Variants in CDHR5 observed in about 807,000 individuals in gnomAD.
The protein encoded by CDHR5 is cadherin-related family member 5.
In CDHR5, 82 loss-of-function variants were observed where a neutral mutation model predicts 69.5. That is an observed-to-expected ratio of 1.18 (90% confidence interval 0.99 to 1.42). The LOEUF (loss-of-function observed/expected upper bound fraction) is 1.42. CDHR5 is among the 40% of genes most tolerant of loss of function. The pLI is 0.00. For synonymous variants in CDHR5, 601 were observed against 510.2 expected (o/e 1.18, Z -2.40); for missense variants, 1,293 against 1,168.9 (o/e 1.11, Z -1.55).
Position 624,128 on chromosome 11 carries a change from G to A in CDHR5, c.312+85C>T, listed in dbSNP as rs569943505. ...AATTTGAAACCACACCCTAGCTGAC[G>A]TCATCAAAGACTGGTCCTGGACCGG... On this transcript the variant is annotated intron_variant, in intron 3 of 14. Transcript: ENST00000397542. The surrounding 1 kb of genome is among the most constrained non-coding windows in gnomAD (Gnocchi z 5.3). The A allele has an allele frequency of 5.4e-5, 38 of 698,420 alleles. No homozygotes were observed. Among genetic ancestry groups the A allele is most frequent in the East Asian group, 4.5e-4 (17 of 37,504 alleles). 43.3% of individuals were successfully genotyped at this position (698,420 alleles called of 1,614,324 possible).
In CDHR5 at chr11:621,869, G is replaced by A. The variant is rs780466180; in HGVS notation, c.348C>T (p.Asp116=). ...TQLRVFVSVL[D]VNDNAPEFPF... ...GGAATTCGGGGGCATTGTCATTGAC[G>A]TCCAGCACTGACACGAACACCCTTA... Residue 116 remains aspartate (D), a synonymous_variant, in exon 4 of 15, where the codon GAC becomes GAT. Coordinates refer to ENST00000397542, the MANE Select transcript of CDHR5 (RefSeq NM_021924.5). This position sits in a 1 kb window ranked among gnomAD's most constrained non-coding sequence, Gnocchi z 4.4. 23 of 1,613,506 alleles carry A rather than the reference G, an allele frequency of 1.4e-5. No individual in the cohort carries two copies. In the Admixed American group the frequency reaches 3.0e-4, roughly 21 times the overall value.
chr11:620,350 C>G lies in CDHR5; in HGVS notation c.826G>C (p.Ala276Pro). 1.2e-6 allele frequency: 2 copies of G among 1,612,494 alleles called. No individual in the cohort carries two copies. ...PLVLRPGPIY[A>P]EDGDRGINQP... ...TTGATGCCGCGGTCTCCGTCCTCAGCGTAGATGGGTCCGGGACGCAGGACG... is the reference window on the plus strand; with the variant it reads ...TTGATGCCGCGGTCTCCGTCCTCAGGGTAGATGGGTCCGGGACGCAGGACG... Residue 276 changes from alanine to proline, a missense_variant, in exon 8 of 15, where the codon GCT becomes CCT. Physicochemically the swap from Ala to Pro is conservative, Grantham distance 27. Coordinates refer to ENST00000397542, the MANE Select transcript of CDHR5 (RefSeq NM_021924.5).
chr11:618,543 TC>T lies in CDHR5; in HGVS notation c.1960+55del. 3 of 1,597,012 alleles carry T rather than the reference TC, an allele frequency of 1.9e-6. No homozygotes were observed. The South Asian group carries it at 3.3e-5, about 18-fold the overall frequency. The stretch of plus-strand genomic sequence containing the variant: ...TGGGGTGGACCCTTCCTACAGCGTT[TC>T]CCATACCAGCCAATGACCGGAGTCA... On this transcript the variant is annotated intron_variant, in intron 13 of 14. Coordinates refer to ENST00000397542, the MANE Select transcript of CDHR5 (RefSeq NM_021924.5).
In CDHR5 at chr11:621,225, G is replaced by T; in HGVS notation, c.644C>A (p.Pro215His). The T allele has an allele frequency of 6.3e-7, 1 of 1,597,592 alleles. No individual in the cohort carries two copies. Among genetic ancestry groups the T allele is most frequent in the Non-Finnish European group, 8.5e-7 (1 of 1,170,386 alleles). The change falls in exon 7 of 15, where the codon CCC (proline) becomes CAC (histidine). Residue 215 changes from proline to histidine, a missense_variant. Coordinates refer to ENST00000397542, the MANE Select transcript of CDHR5 (RefSeq NM_021924.5). This position sits in a 1 kb window ranked among gnomAD's most constrained non-coding sequence, Gnocchi z 4.4. The part of the protein sequence containing the change: ...VRDTPGENVE[P>H]SHTATATLVL... ...TAGTGTGGCGGTGGCAGTGTGGCTG[G>T]GTTCCACATTCTCCCCCGGAGTGTC...
In CDHR5 at chr11:624,680, G is replaced by A. The variant is rs151210765; in HGVS notation, c.138C>T (p.Thr46=). 1.2e-5 allele frequency: 19 copies of A among 1,613,124 alleles called. No homozygotes were observed. The highest frequency in any genetic ancestry group is 1.7e-5 in the Admixed American group (1 of 59,946). Residue 46 remains threonine (T), a synonymous_variant, in exon 2 of 15, where the codon ACC becomes ACT. Transcript: ENST00000397542. This position sits in a 1 kb window ranked among gnomAD's most constrained non-coding sequence, Gnocchi z 5.3. ...GGACGTGGATGTCCACCAGCGGCTCGGTGACATTTGTGTTCTCCTCTACTT... is the reference window on the plus strand; with the variant it reads ...GGACGTGGATGTCCACCAGCGGCTCAGTGACATTTGTGTTCTCCTCTACTT... ...IFEVEENTNV[T]EPLVDIHVPE...
At chr11:619,242 A>G (rs1298919649) in intron 12 of CDHR5, 62 bp from the exon 13 acceptor site, 3 of 1,482,144 alleles carry the variant, frequency 2.0e-6, no homozygotes, top group Non-Finnish European at 1.9e-6. Flanking sequence ...CTACCGCGGG[A>G]AAGGAGCCAC....
In CDHR5 at chr11:617,719, C is replaced by T. The variant is rs1183619607; in HGVS notation, c.2170G>A (p.Ala724Thr). The stretch of plus-strand genomic sequence containing the variant: ...GGGCTGGGGACGGGCGCCCAGTTGG[C>T]CTTGTGGTCAGGGAGGAACGCCTGG... ...DNQAFLPDHKANWAPVPSPTH... is the reference protein window; with the variant it reads ...DNQAFLPDHKTNWAPVPSPTH... Residue 724 changes from alanine to threonine, a missense_variant, in exon 15 of 15, where the codon GCC becomes ACC. By Grantham distance (58) the Ala-to-Thr change is moderately conservative. Coordinates refer to ENST00000397542, the MANE Select transcript of CDHR5 (RefSeq NM_021924.5). The T allele has an allele frequency of 1.4e-6, 2 of 1,460,372 alleles. No homozygotes were observed. Among genetic ancestry groups the T allele is most frequent in the Middle Eastern group, 1.9e-4 (1 of 5,398 alleles). 90.5% of individuals were successfully genotyped at this position (1,460,372 alleles called of 1,614,324 possible).
chr11:621,165 G>A lies in CDHR5; in HGVS notation c.704C>T (p.Pro235Leu), dbSNP rs773987876. ...TGAGAAGGTGCAGGGCAGGAACCACGGGGGCCGCAGGTCGGCGGGCACCAC... is the reference window on the plus strand; with the variant it reads ...TGAGAAGGTGCAGGGCAGGAACCACAGGGGCCGCAGGTCGGCGGGCACCAC... ...LNVVPADLRP[P>L]WFLPCTFSDG... The change falls in exon 7 of 15, where the codon CCG becomes CTG. Residue 235 changes from proline (P) to leucine (L), a missense_variant. Physicochemically the swap from Pro to Leu is moderately conservative, Grantham distance 98. Coordinates refer to ENST00000397542, the MANE Select transcript of CDHR5 (RefSeq NM_021924.5). This position sits in a 1 kb window ranked among gnomAD's most constrained non-coding sequence, Gnocchi z 4.4. 10 of 1,604,744 alleles carry A rather than the reference G, an allele frequency of 6.2e-6. No homozygotes were observed. Among genetic ancestry groups the A allele is most frequent in the South Asian group, 3.3e-5 (3 of 89,746 alleles).
In CDHR5 at chr11:621,498, G is replaced by T. The variant is rs377210037; in HGVS notation, c.508-43C>A. Reference sequence around the variant, plus strand: ...GGACAGAGCCTAAGAGCCTTGGAGGGCGAGGGCGGCTGTGGGTGTCAGAGG... The same window carrying T: ...GGACAGAGCCTAAGAGCCTTGGAGGTCGAGGGCGGCTGTGGGTGTCAGAGG... On this transcript the variant is annotated intron_variant, in intron 5 of 14. Coordinates refer to ENST00000397542, the MANE Select transcript of CDHR5 (RefSeq NM_021924.5). This position sits in a 1 kb window ranked among gnomAD's most constrained non-coding sequence, Gnocchi z 4.4. 111 of 1,595,426 alleles carry T rather than the reference G, an allele frequency of 7.0e-5. No individual in the cohort carries two copies. In the East Asian group the frequency reaches 8.7e-4, roughly 13 times the overall value.
chr11:617,874 C>T lies in CDHR5; in HGVS notation c.2118+80G>A, dbSNP rs182907729. On this transcript the variant is annotated intron_variant, in intron 14 of 14. Coordinates refer to ENST00000397542, the MANE Select transcript of CDHR5 (RefSeq NM_021924.5). ...GACACCCCTCCGTCTCCACATCTGT[C>T]CCTCTGCCCTCCCCTCTCCTGTCCC... The T allele has an allele frequency of 5.4e-4, 831 of 1,528,418 alleles. 4 individuals carry two copies. The highest frequency in any genetic ancestry group is 3.4e-3 in the Middle Eastern group (16 of 4,694). The allele number at this position is 1,528,418 out of a possible 1,614,324, so 94.7% of individuals were successfully genotyped here.
chr11:621,428 T>A lies in CDHR5; in HGVS notation c.535A>T (p.Ser179Cys). Residue 179 changes from serine (S) to cysteine (C), a missense_variant, in exon 6 of 15, where the codon AGT becomes TGT. Coordinates refer to ENST00000397542, the MANE Select transcript of CDHR5 (RefSeq NM_021924.5). This position sits in a 1 kb window ranked among gnomAD's most constrained non-coding sequence, Gnocchi z 4.4. ...AGCCTCAGGGCGGGACGGTTTACAC[T>A]CACCAGGGAGAAGTAGTCACTGGCA... ...AGASDYFSLV[S>C]VNRPALRLDR... is the part of the protein sequence containing the mutation. 6.2e-7 allele frequency: 1 copy of A among 1,612,734 alleles called. No homozygotes were observed. The highest frequency in any genetic ancestry group is 1.7e-5 in the Admixed American group (1 of 60,016).
chr11:617,399 C>T lies in CDHR5; in HGVS notation c.2490G>A (p.Arg830=), dbSNP rs909042304. 12 of 1,610,458 alleles carry T rather than the reference C, an allele frequency of 7.5e-6. No individual in the cohort carries two copies. The highest frequency in any genetic ancestry group is 1.1e-5 in the South Asian group (1 of 90,948). The change falls in exon 15 of 15, where the codon AGG becomes AGA. Residue 830 remains arginine, a synonymous_variant. Coordinates refer to ENST00000397542, the MANE Select transcript of CDHR5 (RefSeq NM_021924.5). ...CGGGCGCATCGTAGGGACCCCCACC[C>T]CTCCCCGCGCCCTCGCCCTCATCGC... is the stretch of plus-strand genomic sequence containing the variant. ...GSGDEGEGAG[R]GGGPYDAPGG... is the part of the protein sequence containing the mutation.
rs147036486 is a variant in CDHR5, at chr11:618,953, C to T, written c.1606G>A (p.Gly536Ser). ...NSTSHQPATP[G>S]GDTAQTPKPG... Reference sequence around the variant, plus strand: ...TTTGGGGTCTGTGCTGTGTCCCCACCGGGAGTGGCTGGTTGGTGGGAGGTG... The same window carrying T: ...TTTGGGGTCTGTGCTGTGTCCCCACTGGGAGTGGCTGGTTGGTGGGAGGTG... Residue 536 changes from glycine to serine, a missense_variant, in exon 13 of 15, where the codon GGT becomes AGT. Transcript: ENST00000397542. The T allele has an allele frequency of 2.6e-4, 424 of 1,610,332 alleles. No homozygotes were observed. The African/African-American group carries it at 4.0e-3, about 15-fold the overall frequency.
In CDHR5 at chr11:619,357, C is replaced by T. The variant is rs538514960; in HGVS notation, c.1327G>A (p.Ala443Thr). The T allele has an allele frequency of 1.9e-5, 30 of 1,613,628 alleles. No individual in the cohort carries two copies. Among genetic ancestry groups the T allele is most frequent in the African/African-American group, 5.3e-5 (4 of 74,994 alleles). The change falls in exon 12 of 15, where the codon GCA becomes ACA. Residue 443 changes from alanine to threonine, a missense_variant. Transcript: ENST00000397542. ...ACTTGTATCTCAATGACTGTGGTTG[C>T]GGTGCCAGAGGTCACCGTGTTGTGG... ...EAHNTVTSGT[A>T]TTVIEIQVSE...
At position 624,095 on chromosome 11, in the gene CDHR5, G is replaced by T. The variant is rs986193391; in HGVS notation, c.312+118C>A. On this transcript the variant is annotated intron_variant, in intron 3 of 14. Coordinates refer to ENST00000397542, the MANE Select transcript of CDHR5 (RefSeq NM_021924.5). The surrounding 1 kb of genome is among the most constrained non-coding windows in gnomAD (Gnocchi z 5.3). The stretch of plus-strand genomic sequence containing the variant: ...GAGGAAATGTGGGCATCACCCTCGG[G>T]GGGGTGGAATTTGAAACCACACCCT... 3 of 665,708 alleles carry T rather than the reference G, an allele frequency of 4.5e-6. No homozygotes were observed. The highest frequency in any genetic ancestry group is 1.7e-5 in the South Asian group (1 of 59,484). The allele number at this position is 665,708 out of a possible 1,614,324, so 41.2% of individuals were successfully genotyped here.
rs139730150 is a variant in CDHR5, at chr11:618,713, C to G, written c.1846G>C (p.Gly616Arg). 6.3e-7 allele frequency: 1 copy of G among 1,577,260 alleles called. No homozygotes were observed. Among genetic ancestry groups the G allele is most frequent in the Non-Finnish European group, 8.6e-7 (1 of 1,163,570 alleles). ...TGGTGGGAGGTGCTGGTTCCCATAC[C>G]GGGGGGCATCGGCTGAGAGGTTCCT... is the stretch of plus-strand genomic sequence containing the variant. ...EAGTSQPMPP[G>R]MGTSTSHQPT... The change falls in exon 13 of 15, where the codon GGT becomes CGT. Residue 616 changes from glycine (G) to arginine (R), a missense_variant. Physicochemically the swap from Gly to Arg is moderately radical, Grantham distance 125. Coordinates refer to ENST00000397542, the MANE Select transcript of CDHR5 (RefSeq NM_021924.5).
Position 620,076 on chromosome 11 carries a change from C to T in CDHR5, c.969G>A (p.Leu323=). 3 of 1,611,318 alleles carry T rather than the reference C, an allele frequency of 1.9e-6. No individual in the cohort carries two copies. The highest frequency in any genetic ancestry group is 2.5e-6 in the Non-Finnish European group (3 of 1,178,604). Reference sequence around the variant, plus strand: ...CAGGTGCCCACCTCACCTTCACCAGCAGAAGGAAGGTCATGGGGCTGGGGA... The same window carrying T: ...CAGGTGCCCACCTCACCTTCACCAGTAGAAGGAAGGTCATGGGGCTGGGGA... ...RSVPSPMTFL[L]LVKGQQADLA... Residue 323 remains leucine (L), a synonymous_variant, in exon 9 of 15, where the codon CTG becomes CTA. Coordinates refer to ENST00000397542, the MANE Select transcript of CDHR5 (RefSeq NM_021924.5).
Position 621,652 on chromosome 11 carries a change from C to A in CDHR5, c.417G>T (p.Val139=). 1 of 1,612,728 alleles carries A rather than the reference C, an allele frequency of 6.2e-7. No homozygotes were observed. The highest frequency in any genetic ancestry group is 8.5e-7 in the Non-Finnish European group (1 of 1,178,902). Residue 139 remains valine, a synonymous_variant, in exon 5 of 15, where the codon GTG becomes GTT. Transcript: ENST00000397542. The surrounding 1 kb of genome is among the most constrained non-coding windows in gnomAD (Gnocchi z 4.4). ...KEIRVEEDTK[V]NSTVIPETQL... is the part of the protein sequence containing the mutation. ...GCGTCTCGGGGATGACGGTGGAGTTCACTTTCGTGTCCTGGGGAGGGAGAG... is the reference window on the plus strand; with the variant it reads ...GCGTCTCGGGGATGACGGTGGAGTTAACTTTCGTGTCCTGGGGAGGGAGAG...
At position 620,160 on chromosome 11, in the gene CDHR5, G is replaced by A. The variant is rs375252085; in HGVS notation, c.885C>T (p.Asn295=). 4.3e-6 allele frequency: 7 copies of A among 1,612,918 alleles called. No homozygotes were observed. The highest frequency in any genetic ancestry group is 1.7e-4 in the Middle Eastern group (1 of 6,058). Residue 295 remains asparagine, a synonymous_variant, in exon 9 of 15, where the codon AAC becomes AAT. Coordinates refer to ENST00000397542, the MANE Select transcript of CDHR5 (RefSeq NM_021924.5). ...GGTGGATGATGAATGTACCATTCACGTTTCCTGGGAGGATGATGGAAGTGC... is the reference window on the plus strand; with the variant it reads ...GGTGGATGATGAATGTACCATTCACATTTCCTGGGAGGATGATGGAAGTGC... ...QPIIYSIFRG[N]VNGTFIIHPD...
Sources: allele counts gnomAD v4.1 joint callset, GRCh38; gene constraint gnomAD v4.1.1; non-coding constraint Gnocchi (gnomAD v3.1); transcripts MANE v1.5; gene names NCBI Gene and HGNC (gene_info 2026-07-23, HGNC 2026-07-21).